PRDM6: variants seen among roughly 807,000 people sequenced by gnomAD.
PRDM6 encodes the protein PR/SET domain 6.
A neutral mutation model predicts 60.8 loss-of-function variants in PRDM6; 25 were observed. The observed-to-expected ratio is 0.41, with a 90% CI of 0.30 to 0.57. PRDM6 has a LOEUF of 0.57. PRDM6 is among the 20% of genes least tolerant of loss of function. The probability of loss-of-function intolerance (pLI) is 0.27; values close to 1 mark genes in which losing one functional copy is unlikely to be tolerated. For missense variants in PRDM6, 839 were observed against 821.3 expected (o/e 1.02, Z -0.26); for synonymous variants, 407 against 357.4 (o/e 1.14, Z -1.57).
chr5:123,171,378 A>G (rs936467945), intron 6 of PRDM6, among the ~76,000 whole-genome samples: 6 of 152,222 alleles, frequency 3.9e-5, no homozygotes, highest in African/African-American at 1.4e-4. Context: ...AGGAACGTTT[A>G]TGAATATCAT....
Position 123,190,390 on chromosome 5 carries a change from CA to C in PRDM6, c.*3190del, listed in dbSNP as rs1211601659. The C allele has an allele frequency of 6.6e-6, 1 of 152,136 alleles. No individual in the cohort carries two copies. Among genetic ancestry groups the C allele is most frequent in the Non-Finnish European group, 1.5e-5 (1 of 68,014 alleles). The allele number at this position is 152,136 out of a possible 1,614,324, so 9.4% of individuals were successfully genotyped here. A position where few individuals can be genotyped will look rare whatever the true frequency, so the allele number is the denominator to read the frequency against. On this transcript the variant is annotated 3_prime_UTR_variant, in exon 8 of 8. Coordinates refer to ENST00000407847, the MANE Select transcript of PRDM6 (RefSeq NM_001136239.4). Reference sequence around the variant, plus strand: ...CCCCAGGATATGTGCATACATTTTTCATAGATAAGCTTTTCATTTTTGTTTT... The same window carrying C: ...CCCCAGGATATGTGCATACATTTTTCTAGATAAGCTTTTCATTTTTGTTTT...
chr5:123,122,949 C>G (rs1169481523), intron 3 of PRDM6, among the ~76,000 whole-genome samples: 1 of 152,132 alleles, frequency 6.6e-6, no homozygotes, highest in Non-Finnish European at 1.5e-5. Context: ...ATTTGACTTG[C>G]TTAAATTTTT....
At chr5:123,100,509 A>G (rs1218930862) in intron 3 of PRDM6, among the ~76,000 whole-genome samples, 1 of 152,204 alleles carries the variant, frequency 6.6e-6, no homozygotes, top group African/African-American at 2.4e-5. Flanking sequence ...ATGTTTCACA[A>G]CTTTCAAAGG....
chr5:123,172,074 G>C lies in PRDM6; in HGVS notation c.1496+966G>C, dbSNP rs80083366. On this transcript the variant is annotated intron_variant, in intron 6 of 7. Coordinates refer to ENST00000407847, the MANE Select transcript of PRDM6 (RefSeq NM_001136239.4). ...AGGAGACTTGGAAGCAGGGCTCTTG[G>C]GTTATTTTCTTAATTTTGCCACTAA... 3.9e-4 allele frequency among the ~76,000 whole-genome samples: 59 copies of C among 152,142 alleles called. 5 individuals are homozygous for C. In the East Asian group the frequency reaches 0.011, roughly 28 times the overall value.
chr5:123,127,377 T>A (rs34221375), intron 3 of PRDM6, among the ~76,000 whole-genome samples: 1 of 152,156 alleles, frequency 6.6e-6, no homozygotes, highest in South Asian at 2.1e-4. Context: ...ACTGGAAGCA[T>A]TGGGAAAATA....
chr5:123,091,367 G>A (rs1051406712), intron 2 of PRDM6, among the ~76,000 whole-genome samples: 2 of 152,196 alleles, frequency 1.3e-5, no homozygotes, highest in Non-Finnish European at 2.9e-5. Flanking sequence ...GTTGGTTTAT[G>A]TATTTATTTT....
At chr5:123,168,007 C>A (rs1426449853) in intron 5 of PRDM6, among the ~76,000 whole-genome samples, 1 of 152,192 alleles carries the variant, frequency 6.6e-6, no homozygotes, top group African/African-American at 2.4e-5. Flanking sequence ...CTACCCCAAT[C>A]TCTGACAATG....
At chr5:123,186,962 C>A in intron 7 of PRDM6, 125 bp from the exon 8 acceptor site, 1 of 672,246 alleles carries the variant, frequency 1.5e-6, no homozygotes, top group Non-Finnish European at 2.6e-6. Flanking sequence ...ACCAATTAAA[C>A]CTCTTGAGCT....
chr5:123,157,460 C>T (rs1765529334), intron 4 of PRDM6, among the ~76,000 whole-genome samples: 1 of 152,042 alleles, frequency 6.6e-6, no homozygotes, highest in Non-Finnish European at 1.5e-5. Flanking sequence ...ACAAGAACCC[C>T]CTAAGAGGAA....
intron 3 of PRDM6, among the ~76,000 whole-genome samples, chr5:123,141,000 A>C (rs977644641): frequency 6.6e-6 from 1 of 152,032 alleles, no homozygotes; most frequent in Non-Finnish European, 1.5e-5. Flanking sequence ...TTTTAGAGTT[A>C]ATTCTGATAA....
At chr5:123,175,484 A>T (rs552084378) in intron 6 of PRDM6, among the ~76,000 whole-genome samples, 1 of 152,256 alleles carries the variant, frequency 6.6e-6, no homozygotes, top group East Asian at 1.9e-4. Context: ...CTTGTGTCCC[A>T]CTTCTTCCCC....
chr5:123,177,320 G>C (rs1766037917), intron 6 of PRDM6, among the ~76,000 whole-genome samples: 1 of 152,082 alleles, frequency 6.6e-6, no homozygotes, highest in South Asian at 2.1e-4. Context: ...ACTTTCTAAG[G>C]GCTAACTTTC....
chr5:123,174,797 C>A (rs1466511921), intron 6 of PRDM6, among the ~76,000 whole-genome samples: 2 of 152,024 alleles, frequency 1.3e-5, no homozygotes, highest in African/African-American at 2.4e-5. Context: ...TCTGTCTGAC[C>A]TGGCAAAGTA....
At chr5:123,179,738 T>C (rs77464249) in intron 6 of PRDM6, among the ~76,000 whole-genome samples, 1,707 of 152,246 alleles carry the variant, frequency 0.011, 24 homozygotes, top group African/African-American at 0.039. Context: ...ACTGGATAAC[T>C]GATTTTAAAG....
chr5:123,152,543 A>G (rs948108264), intron 3 of PRDM6, among the ~76,000 whole-genome samples: 2 of 152,198 alleles, frequency 1.3e-5, no homozygotes, highest in African/African-American at 2.4e-5. Context: ...AGAGCCACCA[A>G]TACACACAAT....
chr5:123,133,170 C>T (rs138132977), intron 3 of PRDM6, among the ~76,000 whole-genome samples: 1 of 152,188 alleles, frequency 6.6e-6, no homozygotes, highest in African/African-American at 2.4e-5. Context: ...TACTTGATTG[C>T]AGACATACTG....
In PRDM6 at chr5:123,187,519, G is replaced by A. The variant is rs183633822; in HGVS notation, c.*318G>A. On this transcript the variant is annotated 3_prime_UTR_variant, in exon 8 of 8. Transcript: ENST00000407847. Reference sequence around the variant, plus strand: ...TTAAAAACTGTTATTTAATACCAAAGGGAGGAATCGTATGGGTTCTTCTGC... The same window carrying A: ...TTAAAAACTGTTATTTAATACCAAAAGGAGGAATCGTATGGGTTCTTCTGC... 5.9e-5 allele frequency: 14 copies of A among 238,614 alleles called. No homozygotes were observed. The Admixed American group carries it at 6.6e-4, about 11-fold the overall frequency. 14.8% of individuals were successfully genotyped at this position (238,614 alleles called of 1,614,324 possible). A position where few individuals can be genotyped will look rare whatever the true frequency, so the allele number is the denominator to read the frequency against.
At chr5:123,146,170 A>T (rs192389393) in intron 3 of PRDM6, among the ~76,000 whole-genome samples, 2 of 152,336 alleles carry the variant, frequency 1.3e-5, no homozygotes, top group East Asian at 3.9e-4. Context: ...CATATTTTTC[A>T]GTAGCTACCA....
intron 3 of PRDM6, among the ~76,000 whole-genome samples, chr5:123,119,068 G>A (rs1044276601): frequency 2.6e-5 from 4 of 152,088 alleles, no homozygotes; most frequent in African/African-American, 9.7e-5. Context: ...TTCAAAGATA[G>A]GGGTGATGGT....
Sources: gnomAD v4.1 joint callset for allele counts (sites outside exome capture counted in the v4.1 genomes callset) on GRCh38, gnomAD v4.1.1 for gene constraint, MANE v1.5 for transcripts, NCBI Gene and HGNC (gene_info 2026-07-23, HGNC 2026-07-21) for gene names.